Variants in ARHGEF18 observed in about 807,000 individuals in gnomAD.
ARHGEF18 encodes Rho/Rac guanine nucleotide exchange factor 18.
A neutral mutation model predicts 155.7 loss-of-function variants in ARHGEF18; 93 were observed. That is an observed-to-expected ratio of 0.60 (90% CI 0.50 to 0.71). The LOEUF is 0.71. Among genes scored for constraint, ARHGEF18 ranks in the 30% least tolerant of loss-of-function variants. The probability of loss-of-function intolerance (pLI) is 0.00; values close to 1 mark genes in which losing one functional copy is unlikely to be tolerated. For synonymous variants in ARHGEF18, 742 were observed against 753.1 expected (o/e 0.99, Z 0.24); for missense variants, 1,593 against 1,816.1 (o/e 0.88, Z 2.23).
intron 10 of ARHGEF18, among the ~76,000 whole-genome samples, chr19:7,387,627 G>A (rs1244138746): frequency 6.6e-6 from 1 of 152,038 alleles, no homozygotes; most frequent in Non-Finnish European, 1.5e-5. Context: ...CAGCTCGCCT[G>A]TTCATTTATG....
At chr19:7,473,196 G>A (rs1444210290), downstream of ARHGEF18, 1 of 456,272 alleles carries the variant, frequency 2.2e-6, no homozygotes, top group Admixed American at 2.3e-5. Context: ...GGTCCAGTGA[G>A]GCGAGGACCC....
In ARHGEF18 at chr19:7,468,827, C is replaced by A; in HGVS notation, c.3483C>A (p.Ala1161=). Reference sequence around the variant, plus strand: ...TGTATCTGCTGTTGTCCCCTCAGGCCCAGCCCCCAAGCCACCCTCCCAGCT... The same window carrying A: ...TGTATCTGCTGTTGTCCCCTCAGGCACAGCCCCCAAGCCACCCTCCCAGCT... ...GALPPDTLAE[A]QPPSHPPSFN... The change falls in exon 27 of 29, where the codon GCC becomes GCA. Residue 1161 remains alanine, a splice_region_variant and synonymous_variant. Transcript: ENST00000668164. 1 of 1,550,874 alleles carries A rather than the reference C, an allele frequency of 6.4e-7. No homozygotes were observed. Among genetic ancestry groups the A allele is most frequent in the Non-Finnish European group, 8.7e-7 (1 of 1,143,960 alleles).
At chr19:7,394,455 A>C (rs1378947901) in intron 10 of ARHGEF18, among the ~76,000 whole-genome samples, 1 of 151,456 alleles carries the variant, frequency 6.6e-6, no homozygotes, top group Non-Finnish European at 1.5e-5. Flanking sequence ...AGGTACTTCC[A>C]ATCCTAACGA....
At position 7,463,308 on chromosome 19, in the gene ARHGEF18, C is replaced by A. The variant is rs1037799161; in HGVS notation, c.2636-510C>A. Among the ~76,000 whole-genome samples, 4 of 152,178 alleles carry A rather than the reference C, an allele frequency of 2.6e-5. No individual in the cohort carries two copies. The highest frequency in any genetic ancestry group is 5.9e-5 in the Non-Finnish European group (4 of 68,022). ...TGGCCCCCTGGGGACACTCTCATAT[C>A]CCGCACCTTGGCCTGGAATGTTCTT... On this transcript the variant is annotated intron_variant, in intron 21 of 28. Transcript: ENST00000668164. The surrounding 1 kb of genome is among the most constrained non-coding windows in gnomAD (Gnocchi z 5.2).
rs147703997 is a variant in ARHGEF18, at chr19:7,433,970, C to T, written c.968-6374C>T. On this transcript the variant is annotated intron_variant, in intron 10 of 28. Transcript: ENST00000668164. Reference sequence around the variant, plus strand: ...GGAGGCGGAGGTTGCAGTGAACTGACATCACACCACTGCACTCCAACCTGG... The same window carrying T: ...GGAGGCGGAGGTTGCAGTGAACTGATATCACACCACTGCACTCCAACCTGG... 5.5e-4 allele frequency among the ~76,000 whole-genome samples: 81 copies of T among 147,988 alleles called. 3 individuals are homozygous for T. The East Asian group carries it at 0.015, about 28-fold the overall frequency.
At chr19:7,376,528 G>A in intron 4 of ARHGEF18, 115 bp from the exon 5 acceptor site, 1 of 523,136 alleles carries the variant, frequency 1.9e-6, no homozygotes, top group Non-Finnish European at 2.9e-6. Context: ...GGATGAGTGT[G>A]TCACCCCATT....
At chr19:7,416,825 G>A (rs1261566940) in intron 10 of ARHGEF18, among the ~76,000 whole-genome samples, 4 of 151,682 alleles carry the variant, frequency 2.6e-5, no homozygotes, top group Admixed American at 6.6e-5. Context: ...GGATGGTCTC[G>A]ATCTCCTGAC....
In ARHGEF18 at chr19:7,464,683, C is replaced by T. The variant is rs567018549; in HGVS notation, c.2897C>T (p.Pro966Leu). Residue 966 changes from proline (P) to leucine (L), a missense_variant, in exon 23 of 29, where the codon CCG (proline) becomes CTG (leucine). Transcript: ENST00000668164. The stretch of plus-strand genomic sequence containing the variant: ...ATTCCTGGGAGCTCTGAGGAATCGC[C>T]GCAGGTGGTACGTGGATATCCATTT... ...SDIPGSSEES[P>L]QVVEAPGTES... 3.1e-5 allele frequency: 50 copies of T among 1,613,940 alleles called. No homozygotes were observed. In the Admixed American group the frequency reaches 3.3e-4, roughly 11 times the overall value.
chr19:7,351,850 A>G (rs1473704148), intron 1 of ARHGEF18, among the ~76,000 whole-genome samples: 1 of 151,318 alleles, frequency 6.6e-6, no homozygotes, highest in Admixed American at 6.6e-5. Flanking sequence ...GCATACCACC[A>G]CACCTGGCTA....
intron 10 of ARHGEF18, among the ~76,000 whole-genome samples, chr19:7,402,040 T>G (rs945680752): frequency 5.9e-5 from 9 of 152,132 alleles, no homozygotes; most frequent in African/African-American, 2.2e-4. Context: ...GAAAGTGGAT[T>G]AGTGGTTGCC....
At chr19:7,464,052 T>C in intron 22 of ARHGEF18, 97 bp downstream of exon 22, 1 of 1,431,476 alleles carries the variant, frequency 7.0e-7, no homozygotes, top group Non-Finnish European at 9.3e-7. Context: ...TTTTTGTTGT[T>C]GTTGAGACAG....
At chr19:7,386,234 CAAAAAAAA>C (rs539106383) in intron 10 of ARHGEF18, among the ~76,000 whole-genome samples, 1 of 108,288 alleles carries the variant, frequency 9.2e-6, no homozygotes, top group Non-Finnish European at 2.0e-5. Context: ...TGCTATGTTG[CAAAAAAAA>C]AAAAAAAAAG....
intron 8 of ARHGEF18, among the ~76,000 whole-genome samples, chr19:7,382,134 C>T (rs544450681): frequency 3.0e-4 from 45 of 152,076 alleles, no homozygotes; most frequent in African/African-American, 1.0e-3. Flanking sequence ...CAATTAGGGC[C>T]GGGCGTGGTG....
At chr19:7,476,476 T>A (rs538932495), downstream of ARHGEF18, among the ~76,000 whole-genome samples, 3 of 152,360 alleles carry the variant, frequency 2.0e-5, no homozygotes, top group Admixed American at 6.5e-5. Context: ...AGCAGTGCCC[T>A]CATCCCATCC....
At chr19:7,384,466 G>A (rs549546665) in intron 10 of ARHGEF18, among the ~76,000 whole-genome samples, 2 of 152,158 alleles carry the variant, frequency 1.3e-5, no homozygotes, top group Admixed American at 1.3e-4. Flanking sequence ...TGCCTTGCAG[G>A]TTTTGCATTT....
At chr19:7,369,173 C>CA (rs1970079446) in intron 2 of ARHGEF18, among the ~76,000 whole-genome samples, 1 of 151,538 alleles carries the variant, frequency 6.6e-6, no homozygotes, top group Non-Finnish European at 1.5e-5. Context: ...ACTAAAAATA[C>CA]AAAATTAGGC....
intron 10 of ARHGEF18, among the ~76,000 whole-genome samples, chr19:7,388,911 A>G (rs1438166809): frequency 6.6e-6 from 1 of 151,896 alleles, no homozygotes; most frequent in Non-Finnish European, 1.5e-5. Context: ...ATATACTTTT[A>G]ATTTTATATT....
In ARHGEF18 at chr19:7,354,370, CTGATTTGGGGCTGGGGG is replaced by C. The variant is rs538244174; in HGVS notation, c.-111+5145_-111+5161del. Among the ~76,000 whole-genome samples, 606 of 151,966 alleles carry C rather than the reference CTGATTTGGGGCTGGGGG, an allele frequency of 4.0e-3. 7 individuals carry two copies. Among genetic ancestry groups the C allele is most frequent in the East Asian group, 0.019 (97 of 5,164 alleles). ...CCTGTTATCCCAGCACTTTGGGAGGCTGATTTGGGGCTGGGGGTGATTTGGGGCTGGGAAGTAATGTA... is the reference window on the plus strand; with the variant it reads ...CCTGTTATCCCAGCACTTTGGGAGGCTGATTTGGGGCTGGGAAGTAATGTA... On this transcript the variant is annotated intron_variant, in intron 1 of 28. Transcript: ENST00000668164.
Position 7,468,896 on chromosome 19 carries a change from A to T in ARHGEF18, c.3552A>T (p.Pro1184=). 6.4e-7 allele frequency: 1 copy of T among 1,574,722 alleles called. No homozygotes were observed. Among genetic ancestry groups the T allele is most frequent in the Non-Finnish European group, 8.6e-7 (1 of 1,160,350 alleles). The change falls in exon 27 of 29, where the codon CCA becomes CCT. Residue 1184 remains proline, a synonymous_variant. Transcript: ENST00000668164. ...AGGGCCCTCGTGTGAGCATGCTGCCATCCGGCGTGGGGCCAGAGTACGCAG... is the reference window on the plus strand; with the variant it reads ...AGGGCCCTCGTGTGAGCATGCTGCCTTCCGGCGTGGGGCCAGAGTACGCAG... The part of the protein sequence containing the change: ...GLEGPRVSML[P]SGVGPEYAER...
Sources: gnomAD v4.1 joint callset for allele counts (sites outside exome capture counted in the v4.1 genomes callset) on GRCh38, gnomAD v4.1.1 for gene constraint, Gnocchi (gnomAD v3.1) non-coding constraint, MANE v1.5 for transcripts, NCBI Gene and HGNC (gene_info 2026-07-23, HGNC 2026-07-21) for gene names.